The following CCBE1 variants were observed in gnomAD, a reference collection of about 807,000 sequenced individuals.
CCBE1 encodes collagen and calcium binding EGF domains 1.
CCBE1 carries 37 observed loss-of-function variants against 50.0 expected under a neutral mutation model. The observed-to-expected ratio is 0.74, with a 90% CI of 0.57 to 0.97. The LOEUF (loss-of-function observed/expected upper bound fraction) is 0.97. Ranked by LOEUF, CCBE1 falls within the 50% of genes least tolerant of loss-of-function variation. The probability of loss-of-function intolerance (pLI) is 0.00; values close to 1 mark genes in which losing one functional copy is unlikely to be tolerated. For missense variants in CCBE1, 538 were observed against 523.8 expected (o/e 1.03, Z -0.26); for synonymous variants, 234 against 203.7 (o/e 1.15, Z -1.27).
chr18:59,643,055 G>A (rs1469486033), intron 2 of CCBE1, among the ~76,000 whole-genome samples: 1 of 151,892 alleles, frequency 6.6e-6, no homozygotes, highest in African/African-American at 2.4e-5. Context: ...TAAAAATTAA[G>A]CAGTTCACCA....
chr18:59,479,672 T>G (rs1190917317), intron 3 of CCBE1, among the ~76,000 whole-genome samples: 2 of 152,246 alleles, frequency 1.3e-5, no homozygotes, highest in Non-Finnish European at 2.9e-5. Context: ...GTCTCTCTGA[T>G]TCTATCTGCT....
chr18:59,537,619 C>G (rs1016320833), intron 2 of CCBE1, among the ~76,000 whole-genome samples: 4 of 152,142 alleles, frequency 2.6e-5, no homozygotes, highest in Admixed American at 2.6e-4. Context: ...TATAAATTAC[C>G]CAGTCTTGGG....
intron 3 of CCBE1, among the ~76,000 whole-genome samples, chr18:59,475,498 T>C (rs538503972): frequency 1.3e-3 from 202 of 152,360 alleles, no homozygotes; most frequent in African/African-American, 4.6e-3. Context: ...ATTCACATCC[T>C]TGCCTTCTCA....
intron 2 of CCBE1, among the ~76,000 whole-genome samples, chr18:59,509,672 A>T (rs1425530890): frequency 1.3e-5 from 2 of 152,184 alleles, no homozygotes; most frequent in East Asian, 3.8e-4. Flanking sequence ...TAAAAGAAGA[A>T]CTTCAGTGCC....
intron 6 of CCBE1, among the ~76,000 whole-genome samples, chr18:59,450,616 C>G (rs111562233): frequency 6.6e-6 from 1 of 152,232 alleles, no homozygotes; most frequent in Admixed American, 6.5e-5. Context: ...TCACTACAAC[C>G]TCTGCCTCCC....
chr18:59,546,663 A>G (rs1039164043), intron 2 of CCBE1, among the ~76,000 whole-genome samples: 3 of 152,238 alleles, frequency 2.0e-5, no homozygotes, highest in Non-Finnish European at 2.9e-5. Context: ...AACCTGTTAT[A>G]GTTAAGAAAT....
chr18:59,435,606 T>G lies in CCBE1; in HGVS notation c.*302A>C. On this transcript the variant is annotated 3_prime_UTR_variant, in exon 11 of 11. Transcript: ENST00000439986. ...TTTATGATTTAAGACACTGTGAGAG[T>G]ACTTAAATCCAAAGTTCCTGGAAAA... is the stretch of plus-strand genomic sequence containing the variant. The G allele has an allele frequency of 2.3e-6, 1 of 434,232 alleles. No individual in the cohort carries two copies. The highest frequency in any genetic ancestry group is 3.6e-5 in the Admixed American group (1 of 27,910). 26.9% of individuals were successfully genotyped at this position (434,232 alleles called of 1,614,324 possible).
chr18:59,650,560 T>C (rs982930241), intron 2 of CCBE1, among the ~76,000 whole-genome samples: 2 of 151,674 alleles, frequency 1.3e-5, no homozygotes, highest in African/African-American at 4.8e-5. Context: ...TTATACTAAG[T>C]GCAATTTCCT....
chr18:59,540,726 C>G (rs1358244963), intron 2 of CCBE1, among the ~76,000 whole-genome samples: 2 of 152,202 alleles, frequency 1.3e-5, no homozygotes, highest in African/African-American at 4.8e-5. Flanking sequence ...GTTTGGAACA[C>G]AGACATGCCC....
At chr18:59,561,872 C>T (rs2052744224) in intron 2 of CCBE1, among the ~76,000 whole-genome samples, 1 of 152,122 alleles carries the variant, frequency 6.6e-6, no homozygotes. Flanking sequence ...AGAGTAAGCT[C>T]CTGCTGAGAA....
intron 2 of CCBE1, among the ~76,000 whole-genome samples, chr18:59,601,656 C>A (rs1407945092): frequency 1.3e-5 from 2 of 152,162 alleles, no homozygotes; most frequent in African/African-American, 4.8e-5. Flanking sequence ...CCTTGATCTC[C>A]CAAAGTGCTG....
At chr18:59,652,781 G>C (rs143011659) in intron 2 of CCBE1, among the ~76,000 whole-genome samples, 2 of 152,142 alleles carry the variant, frequency 1.3e-5, no homozygotes, top group East Asian at 3.9e-4. Context: ...TGGCTAACAC[G>C]GTGAAACCCC....
At chr18:59,638,360 A>G (rs2053942449) in intron 2 of CCBE1, among the ~76,000 whole-genome samples, 1 of 152,240 alleles carries the variant, frequency 6.6e-6, no homozygotes, top group Admixed American at 6.5e-5. Flanking sequence ...TAAGGATATC[A>G]ACTTTCACCA....
intron 2 of CCBE1, among the ~76,000 whole-genome samples, chr18:59,578,949 A>T (rs1050128951): frequency 7.2e-5 from 11 of 152,228 alleles, no homozygotes; most frequent in Non-Finnish European, 4.4e-5. Context: ...AAGGTATAAT[A>T]ATTTTTTAAA....
At chr18:59,617,313 C>T (rs1024894607) in intron 2 of CCBE1, among the ~76,000 whole-genome samples, 3 of 152,192 alleles carry the variant, frequency 2.0e-5, no homozygotes, top group Non-Finnish European at 4.4e-5. Flanking sequence ...ATAACAAATG[C>T]AAATTCGAAA....
chr18:59,639,427 T>C (rs1378940395), intron 2 of CCBE1, among the ~76,000 whole-genome samples: 1 of 152,150 alleles, frequency 6.6e-6, no homozygotes, highest in African/African-American at 2.4e-5. Flanking sequence ...CAGAAAAGAC[T>C]TTTCATAAAA....
chr18:59,638,817 G>A lies in CCBE1; in HGVS notation c.212+57812C>T, dbSNP rs531333226. 5.9e-5 allele frequency among the ~76,000 whole-genome samples: 9 copies of A among 152,032 alleles called. No homozygotes were observed. The South Asian group carries it at 1.0e-3, about 18-fold the overall frequency. On this transcript the variant is annotated intron_variant, in intron 2 of 10. Coordinates refer to ENST00000439986, the MANE Select transcript of CCBE1 (RefSeq NM_133459.4). Reference sequence around the variant, plus strand: ...TTTATAATATTAAAATTAGGTTTTCGGAGTAAGTCTAGCAAAAGACATGCT... The same window carrying A: ...TTTATAATATTAAAATTAGGTTTTCAGAGTAAGTCTAGCAAAAGACATGCT...
intron 2 of CCBE1, among the ~76,000 whole-genome samples, chr18:59,484,128 A>G (rs889743311): frequency 1.3e-5 from 2 of 152,236 alleles, no homozygotes; most frequent in East Asian, 3.8e-4. Flanking sequence ...CATAGTTTAA[A>G]AAAGTTCAAG....
chr18:59,620,925 T>C (rs1440703287), intron 2 of CCBE1, among the ~76,000 whole-genome samples: 1 of 152,208 alleles, frequency 6.6e-6, no homozygotes, highest in African/African-American at 2.4e-5. Context: ...TGGCCAGGGC[T>C]GTCCAGGCAA....
Sources: allele counts gnomAD v4.1 joint callset (sites outside exome capture counted in the v4.1 genomes callset), GRCh38; gene constraint gnomAD v4.1.1; transcripts MANE v1.5; gene names NCBI Gene and HGNC (gene_info 2026-07-23, HGNC 2026-07-21).